RAB3GAP1: variants seen among roughly 807,000 people sequenced by gnomAD.
RAB3GAP1 encodes the protein RAB3 GTPase activating protein catalytic subunit 1, also known as rab3 GTPase-activating protein catalytic subunit.
In RAB3GAP1, 86 loss-of-function variants were observed where a neutral mutation model predicts 130.7. The ratio of observed to expected loss-of-function variants is 0.66; its 90% CI spans 0.55 to 0.79. RAB3GAP1 has a LOEUF of 0.79. RAB3GAP1 is among the 30% of genes least tolerant of loss of function. The pLI is 0.00. For synonymous variants in RAB3GAP1, 367 were observed against 401.7 expected, an observed-to-expected ratio of 0.91 and a Z score of 1.03; for missense variants, 1,029 against 1,169.4, an observed-to-expected ratio of 0.88 and a Z score of 1.75.
intron 3 of RAB3GAP1, chr2:135,059,067 TCTC>T (rs1220545103): frequency 1.3e-5 from 2 of 151,964 alleles, no homozygotes; most frequent in African/African-American, 2.4e-5. Flanking sequence ...GGAAAAAAAA[TCTC>T]CTTATTTGTA....
At chr2:135,167,709 A>T (rs1177620201) in intron 23 of RAB3GAP1, 1 of 1,491,066 alleles carries the variant, frequency 6.7e-7, no homozygotes, top group African/African-American at 1.4e-5. Flanking sequence ...GAATCTTCTG[A>T]TGAGGTAACA....
intron 3 of RAB3GAP1, among the ~76,000 whole-genome samples, chr2:135,083,774 T>G (rs1486891192): frequency 6.0e-5 from 9 of 149,650 alleles, no homozygotes; most frequent in Admixed American, 4.7e-4. Flanking sequence ...ACGGTTTTTT[T>G]TTTTTTTTTT....
chr2:135,099,074 G>A (rs1306595005), intron 5 of RAB3GAP1, among the ~76,000 whole-genome samples: 1 of 151,640 alleles, frequency 6.6e-6, no homozygotes, highest in African/African-American at 2.4e-5. Context: ...GTTTAAAACT[G>A]GCTAGGGCTT....
chr2:135,162,706 G>T, intron 20 of RAB3GAP1, 42 bp from the exon 21 acceptor site: 1 of 1,605,916 alleles, frequency 6.2e-7, no homozygotes, highest in East Asian at 2.2e-5. Context: ...AGTATATTTT[G>T]CTTAATTTAT....
intron 11 of RAB3GAP1, among the ~76,000 whole-genome samples, chr2:135,128,575 A>G (rs563251792): frequency 2.0e-5 from 3 of 152,290 alleles, no homozygotes; most frequent in African/African-American, 7.2e-5. Flanking sequence ...ACTGTATGGT[A>G]ATTGCTGAGG....
chr2:135,099,046 T>G (rs993991480), intron 5 of RAB3GAP1, among the ~76,000 whole-genome samples: 3 of 152,182 alleles, frequency 2.0e-5, no homozygotes, highest in African/African-American at 7.2e-5. Context: ...TGAAGCAGTC[T>G]GTTCATTTTT....
intron 23 of RAB3GAP1, chr2:135,165,163 G>A (rs754427870): frequency 4.4e-6 from 2 of 456,172 alleles, no homozygotes; most frequent in Non-Finnish European, 8.8e-6. Context: ...TCCTAGAAAA[G>A]AAGAGGAAAA....
chr2:135,078,573 T>G (rs2104853326), intron 3 of RAB3GAP1, among the ~76,000 whole-genome samples: 1 of 151,894 alleles, frequency 6.6e-6, no homozygotes, highest in South Asian at 2.1e-4. Flanking sequence ...TTAATTACTA[T>G]AAATTTGTTA....
At chr2:135,133,626 G>GT (rs1303406319) in intron 14 of RAB3GAP1, among the ~76,000 whole-genome samples, 13 of 152,230 alleles carry the variant, frequency 8.5e-5, no homozygotes, top group African/African-American at 3.1e-4. Flanking sequence ...ATTGAAAGCT[G>GT]TAACTTTAGC....
At position 135,170,028 on chromosome 2, in the gene RAB3GAP1, T is replaced by G; in HGVS notation, c.*1247T>G. 4.5e-6 allele frequency: 1 copy of G among 224,608 alleles called. No individual in the cohort carries two copies. The highest frequency in any genetic ancestry group is 9.0e-6 in the Non-Finnish European group (1 of 111,546). 13.9% of individuals were successfully genotyped at this position (224,608 alleles called of 1,614,324 possible). On this transcript the variant is annotated 3_prime_UTR_variant, in exon 24 of 24. Coordinates refer to ENST00000264158, the MANE Select transcript of RAB3GAP1 (RefSeq NM_012233.3). ...ATAATATGTGTGTGTGTGTGACATATGCACACGTCTCTGTGTATGTGAAGT... is the reference window on the plus strand; with the variant it reads ...ATAATATGTGTGTGTGTGTGACATAGGCACACGTCTCTGTGTATGTGAAGT...
intron 3 of RAB3GAP1, among the ~76,000 whole-genome samples, chr2:135,075,910 C>CTTTT (rs996535280): frequency 3.9e-5 from 5 of 126,732 alleles, no homozygotes; most frequent in African/African-American, 5.8e-5. Flanking sequence ...TAACAGATTT[C>CTTTT]TTTTTTTTTT....
At chr2:135,117,642 T>G (rs987900733) in intron 7 of RAB3GAP1, among the ~76,000 whole-genome samples, 4 of 145,598 alleles carry the variant, frequency 2.7e-5, no homozygotes, top group African/African-American at 7.9e-5. Flanking sequence ...TTCTGCTTCT[T>G]CTTCTGCTTC....
chr2:135,142,377 C>G (rs1691868112), intron 17 of RAB3GAP1, among the ~76,000 whole-genome samples: 1 of 151,854 alleles, frequency 6.6e-6, no homozygotes, highest in South Asian at 2.1e-4. Flanking sequence ...TATATATTGA[C>G]CTTGGATATA....
chr2:135,068,075 T>TA (rs1291027198), intron 3 of RAB3GAP1, among the ~76,000 whole-genome samples: 1 of 152,206 alleles, frequency 6.6e-6, no homozygotes, highest in East Asian at 1.9e-4. Flanking sequence ...AGTAAAATGA[T>TA]ACTTGCTTAA....
In RAB3GAP1 at chr2:135,155,873, CAG is replaced by C. The variant is rs373935816; in HGVS notation, c.2289+1999_2289+2000del. On this transcript the variant is annotated intron_variant, in intron 19 of 23. Transcript: ENST00000264158. ...AGGAGAGAGTGTAGAGAACACAAAACAGATGAAATTAATGAGTTCAATCTAGT... is the reference window on the plus strand; with the variant it reads ...AGGAGAGAGTGTAGAGAACACAAAACATGAAATTAATGAGTTCAATCTAGT... Among the ~76,000 whole-genome samples, 33 of 151,976 alleles carry C rather than the reference CAG, an allele frequency of 2.2e-4. No individual in the cohort carries two copies. In the South Asian group the frequency reaches 5.8e-3, roughly 27 times the overall value.
At chr2:135,125,428 G>C (rs1245437790) in intron 9 of RAB3GAP1, among the ~76,000 whole-genome samples, 1 of 152,066 alleles carries the variant, frequency 6.6e-6, no homozygotes, top group African/African-American at 2.4e-5. Flanking sequence ...TTATAAATTT[G>C]GCACAGTAAG....
chr2:135,093,307 A>C (rs931110534), intron 4 of RAB3GAP1, among the ~76,000 whole-genome samples: 11 of 152,210 alleles, frequency 7.2e-5, no homozygotes, highest in Admixed American at 2.0e-4. Context: ...AGAGGCAAGG[A>C]CAGGCTAAGA....
At chr2:135,095,576 A>T (rs1690270063) in intron 5 of RAB3GAP1, among the ~76,000 whole-genome samples, 1 of 152,194 alleles carries the variant, frequency 6.6e-6, no homozygotes, top group African/African-American at 2.4e-5. Flanking sequence ...CTAAACTATA[A>T]ATGTGATACA....
At chr2:135,099,054 T>G (rs1690379095) in intron 5 of RAB3GAP1, among the ~76,000 whole-genome samples, 1 of 152,174 alleles carries the variant, frequency 6.6e-6, no homozygotes, top group African/African-American at 2.4e-5. Flanking sequence ...TCTGTTCATT[T>G]TTTTTTTCTG....
Sources: gnomAD v4.1 joint callset for allele counts (sites outside exome capture counted in the v4.1 genomes callset) on GRCh38, gnomAD v4.1.1 for gene constraint, MANE v1.5 for transcripts, NCBI Gene and HGNC (gene_info 2026-07-23, HGNC 2026-07-21) for gene names.